SAMD12: variants seen among roughly 807,000 people sequenced by gnomAD.
The protein encoded by SAMD12 is sterile alpha motif domain-containing protein 12.
SAMD12 carries 9 observed loss-of-function variants against 15.0 expected under a neutral mutation model. The observed-to-expected ratio is 0.60, with a 90% confidence interval of 0.36 to 1.05. The LOEUF (loss-of-function observed/expected upper bound fraction) is 1.05, where lower values mean the gene tolerates loss of function less well. Ranked by LOEUF, SAMD12 falls within the 50% of genes least tolerant of loss-of-function variation. SAMD12 has a pLI of 0.01. For synonymous variants in SAMD12, 86 were observed against 90.1 expected (o/e 0.96, Z 0.25); for missense variants, 230 against 234.2 (o/e 0.98, Z 0.12).
chr8:118,549,767 T>C (rs139565004), intron 2 of SAMD12, among the ~76,000 whole-genome samples: 2,713 of 152,226 alleles, frequency 0.018, 22 homozygotes, highest in Non-Finnish European at 0.028. Flanking sequence ...GGTAAAGAAG[T>C]TAAAAACTTT....
intron 2 of SAMD12, among the ~76,000 whole-genome samples, chr8:118,502,358 G>A (rs1824808956): frequency 6.6e-6 from 1 of 152,224 alleles, no homozygotes; most frequent in African/African-American, 2.4e-5. Flanking sequence ...CATGGGTTAT[G>A]TTAGACAAAT....
chr8:118,572,707 C>T (rs573697737), intron 2 of SAMD12, among the ~76,000 whole-genome samples: 63 of 152,170 alleles, frequency 4.1e-4, no homozygotes, highest in Admixed American at 3.3e-4. Context: ...TACACTTCCA[C>T]GTGGCTAGGG....
chr8:118,313,093 G>A (rs373804563), intron 4 of SAMD12, among the ~76,000 whole-genome samples: 4 of 152,118 alleles, frequency 2.6e-5, no homozygotes, highest in African/African-American at 9.7e-5. Flanking sequence ...AAGAGCCACT[G>A]GTACAAAACC....
intron 1 of SAMD12, among the ~76,000 whole-genome samples, chr8:118,610,254 C>A (rs1828073773): frequency 1.3e-5 from 2 of 152,148 alleles, no homozygotes; most frequent in Admixed American, 1.3e-4. Context: ...CCAAAAACCC[C>A]AAAGAATTTT....
chr8:118,226,319 T>C (rs1812187733), intron 4 of SAMD12, among the ~76,000 whole-genome samples: 1 of 152,290 alleles, frequency 6.6e-6, no homozygotes, highest in Admixed American at 6.5e-5. Context: ...TACTTCTTTC[T>C]GTGGCGTACT....
the SAMD12 span, among the ~76,000 whole-genome samples, chr8:118,154,133 C>G: frequency 2.6e-4 from 32 of 125,420 alleles, 1 homozygote; most frequent in African/African-American, 7.7e-4. Context: ...AAAGAATACA[C>G]ACACACAAGT....
At chr8:118,598,799 T>C (rs1381432880) in intron 1 of SAMD12, among the ~76,000 whole-genome samples, 2 of 152,210 alleles carry the variant, frequency 1.3e-5, no homozygotes, top group Non-Finnish European at 2.9e-5. Flanking sequence ...ATAGTAGTCT[T>C]GGCCACACAC....
At chr8:118,519,517 A>G (rs1005891050) in intron 2 of SAMD12, among the ~76,000 whole-genome samples, 6 of 152,222 alleles carry the variant, frequency 3.9e-5, no homozygotes, top group African/African-American at 9.7e-5. Flanking sequence ...ATGTAGTACA[A>G]TATATCTACA....
the SAMD12 span, among the ~76,000 whole-genome samples, chr8:118,144,482 CA>C: frequency 2.0e-5 from 3 of 152,050 alleles, no homozygotes; most frequent in Non-Finnish European, 4.4e-5. Flanking sequence ...ACATAGTAGA[CA>C]TTTAATGATA....
At chr8:118,321,144 AATATATATATATATATATAT>A (rs4053452) in intron 4 of SAMD12, among the ~76,000 whole-genome samples, 14,589 of 94,562 alleles carry the variant, frequency 0.15, 1,239 homozygotes, top group African/African-American at 0.2. Flanking sequence ...ATAGATAATA[AATATATATATATATATATAT>A]ATATATATAT....
intron 3 of SAMD12, among the ~76,000 whole-genome samples, chr8:118,398,675 G>T (rs536245576): frequency 6.8e-4 from 103 of 152,218 alleles, no homozygotes; most frequent in African/African-American, 2.5e-3. Context: ...TGACAAAGTA[G>T]ATCAGTGGAA....
At chr8:118,530,791 T>A (rs1265740373) in intron 2 of SAMD12, among the ~76,000 whole-genome samples, 1 of 152,186 alleles carries the variant, frequency 6.6e-6, no homozygotes, top group Non-Finnish European at 1.5e-5. Context: ...AATATCTAGA[T>A]GAGCTTTTGC....
intron 4 of SAMD12, among the ~76,000 whole-genome samples, chr8:118,313,810 G>A (rs938451178): frequency 2.0e-5 from 3 of 151,692 alleles, no homozygotes; most frequent in Non-Finnish European, 4.4e-5. Context: ...ACGCTGAAAT[G>A]CATAAAGGTT....
At chr8:118,543,607 T>TC (rs1157069922) in intron 2 of SAMD12, among the ~76,000 whole-genome samples, 1 of 148,966 alleles carries the variant, frequency 6.7e-6, no homozygotes, top group African/African-American at 2.6e-5. Flanking sequence ...TTATGAGATT[T>TC]TTTTTTCTTT....
chr8:118,501,256 A>C (rs1824774134), intron 2 of SAMD12, among the ~76,000 whole-genome samples: 1 of 152,154 alleles, frequency 6.6e-6, no homozygotes, highest in Non-Finnish European at 1.5e-5. Context: ...TTTCCACAAA[A>C]CTAGATGTTC....
chr8:118,370,991 T>C (rs1819069609), intron 4 of SAMD12, among the ~76,000 whole-genome samples: 1 of 152,176 alleles, frequency 6.6e-6, no homozygotes, highest in African/African-American at 2.4e-5. Flanking sequence ...GAATGATTGG[T>C]TCTGCCTGAA....
chr8:118,376,808 C>T (rs979506333), downstream of SAMD12, among the ~76,000 whole-genome samples: 2 of 152,110 alleles, frequency 1.3e-5, no homozygotes, highest in African/African-American at 2.4e-5. Context: ...GTAATATTTA[C>T]AGAGATGAAG....
intron 2 of SAMD12, among the ~76,000 whole-genome samples, chr8:118,453,592 C>T (rs1402195436): frequency 6.6e-6 from 1 of 152,170 alleles, no homozygotes; most frequent in African/African-American, 2.4e-5. Flanking sequence ...GTGATCCTGG[C>T]TCACTGCAGC....
the SAMD12 span, among the ~76,000 whole-genome samples, chr8:118,135,880 C>T: frequency 4.6e-5 from 7 of 151,924 alleles, no homozygotes; most frequent in Non-Finnish European, 1.0e-4. Context: ...CTTTTCTACT[C>T]CTTGGGTTCC....
Sources: allele counts gnomAD v4.1 joint callset (sites outside exome capture counted in the v4.1 genomes callset), GRCh38; gene constraint gnomAD v4.1.1; transcripts MANE v1.5; gene names NCBI Gene and HGNC (gene_info 2026-07-23, HGNC 2026-07-21).